Variants in PARD3B observed in about 807,000 individuals in gnomAD.
PARD3B encodes par-3 family cell polarity regulator beta.
PARD3B carries 103 observed loss-of-function variants against 130.2 expected under a neutral mutation model. The ratio of observed to expected loss-of-function variants is 0.79; its 90% CI spans 0.67 to 0.93. The LOEUF is 0.93. PARD3B is among the 40% of genes least tolerant of loss of function. The pLI, the probability that PARD3B is intolerant of heterozygous loss-of-function variation, is 0.00. For missense variants in PARD3B, 1,609 were observed against 1,499.2 expected (o/e 1.07, Z -1.21); for synonymous variants, 583 against 553.2 (o/e 1.05, Z -0.76).
At chr2:205,363,595 A>G (rs1392243127) in intron 18 of PARD3B, among the ~76,000 whole-genome samples, 2 of 152,166 alleles carry the variant, frequency 1.3e-5, no homozygotes, top group Admixed American at 6.5e-5. Context: ...CCCTTGGGAA[A>G]ACACACAGAG....
At chr2:205,037,559 C>G (rs1188289516) in intron 3 of PARD3B, among the ~76,000 whole-genome samples, 6 of 147,022 alleles carry the variant, frequency 4.1e-5, no homozygotes, top group Non-Finnish European at 3.0e-5. Context: ...AAAATATATA[C>G]AGTGGACTAT....
chr2:204,808,532 G>A (rs2042854930), intron 2 of PARD3B, among the ~76,000 whole-genome samples: 1 of 151,934 alleles, frequency 6.6e-6, no homozygotes, highest in Non-Finnish European at 1.5e-5. Context: ...TCCTCTTTGT[G>A]TCCATGTGAG....
rs112714930 is a variant in PARD3B at position 205,206,306 on chromosome 2, A to G, written c.2140+12986A>G. ...ATGTATACATGTGCCCTGCTGGTGC[A>G]CTGCACCCACCAACTCGTCATCTAG... On this transcript the variant is annotated intron_variant, in intron 15 of 22. Transcript: ENST00000406610. Among the ~76,000 whole-genome samples the G allele has an allele frequency of 7.8e-3, 1,162 of 148,084 alleles. 18 individuals are homozygous for G. The highest frequency in any genetic ancestry group is 0.014 in the Middle Eastern group (4 of 290).
intron 15 of PARD3B, among the ~76,000 whole-genome samples, chr2:205,239,284 C>T (rs2039244672): frequency 1.3e-5 from 2 of 151,978 alleles, no homozygotes; most frequent in Non-Finnish European, 2.9e-5. Context: ...TTTGCTCCTC[C>T]CAGATCAATT....
chr2:204,989,011 A>G (rs967449913), intron 3 of PARD3B, among the ~76,000 whole-genome samples: 2 of 152,234 alleles, frequency 1.3e-5, no homozygotes, highest in Non-Finnish European at 2.9e-5. Flanking sequence ...GTAAACCTCC[A>G]GCAGTGCACA....
At chr2:205,039,759 C>T (rs1262393566) in intron 3 of PARD3B, among the ~76,000 whole-genome samples, 1 of 152,126 alleles carries the variant, frequency 6.6e-6, no homozygotes, top group East Asian at 1.9e-4. Context: ...CGTGAGCCAC[C>T]ACACTCAGCC....
At chr2:205,450,719 G>T (rs966323270) in intron 20 of PARD3B, among the ~76,000 whole-genome samples, 1 of 151,712 alleles carries the variant, frequency 6.6e-6, no homozygotes, top group South Asian at 2.1e-4. Context: ...CAGGTGATCC[G>T]CCCGCCTCGG....
At chr2:205,017,074 T>C (rs1476676992) in intron 3 of PARD3B, among the ~76,000 whole-genome samples, 2 of 152,102 alleles carry the variant, frequency 1.3e-5, no homozygotes, top group Non-Finnish European at 2.9e-5. Flanking sequence ...ATGATGCAGA[T>C]AGTCTACTAT....
chr2:205,439,049 A>C (rs2047619361), intron 19 of PARD3B, among the ~76,000 whole-genome samples: 2 of 152,196 alleles, frequency 1.3e-5, no homozygotes, highest in Admixed American at 6.5e-5. Context: ...TTGTTCTGCC[A>C]AAAGAGAAAA....
At chr2:205,462,078 A>G (rs760690297) in intron 20 of PARD3B, among the ~76,000 whole-genome samples, 1 of 152,212 alleles carries the variant, frequency 6.6e-6, no homozygotes, top group Non-Finnish European at 1.5e-5. Flanking sequence ...GAATCACATA[A>G]TGGATCTAGC....
chr2:205,240,240 A>G (rs1457844839), intron 15 of PARD3B, among the ~76,000 whole-genome samples: 1 of 152,206 alleles, frequency 6.6e-6, no homozygotes, highest in Admixed American at 6.5e-5. Context: ...TAATATTGGC[A>G]ACTACATCAA....
chr2:204,577,626 C>T (rs2032333518), intron 1 of PARD3B, among the ~76,000 whole-genome samples: 1 of 152,182 alleles, frequency 6.6e-6, no homozygotes, highest in Admixed American at 6.5e-5. Flanking sequence ...AGCTGGAGTG[C>T]AATGGTGGGA....
intron 15 of PARD3B, among the ~76,000 whole-genome samples, chr2:205,212,758 T>C (rs2037711158): frequency 6.6e-6 from 1 of 152,162 alleles, no homozygotes; most frequent in Admixed American, 6.6e-5. Context: ...AGATAACCTC[T>C]GATGTTACTG....
In PARD3B at chr2:205,473,777, A is replaced by G. The variant is rs944983662; in HGVS notation, c.3045-26119A>G. Reference sequence around the variant, plus strand: ...ATATAACCTTAAATATATATATTTTATATTTTTTTAACTTGCAGTTCAACC... The same window carrying G: ...ATATAACCTTAAATATATATATTTTGTATTTTTTTAACTTGCAGTTCAACC... On this transcript the variant is annotated intron_variant, in intron 20 of 22. Coordinates refer to ENST00000406610, the MANE Select transcript of PARD3B (RefSeq NM_001302769.2). This position sits in a 1 kb window ranked among gnomAD's most constrained non-coding sequence, Gnocchi z 4.9. 6.8e-6 allele frequency among the ~76,000 whole-genome samples: 1 copy of G among 147,320 alleles called. No homozygotes were observed.
chr2:205,448,597 T>C (rs1007883654), intron 20 of PARD3B, among the ~76,000 whole-genome samples: 2 of 152,196 alleles, frequency 1.3e-5, no homozygotes, highest in Non-Finnish European at 2.9e-5. Flanking sequence ...CTCCAATGTA[T>C]TTGTTATTCC....
At chr2:204,777,419 A>T (rs2041665741) in intron 2 of PARD3B, among the ~76,000 whole-genome samples, 1 of 152,234 alleles carries the variant, frequency 6.6e-6, no homozygotes, top group South Asian at 2.1e-4. Context: ...AGGAAACATA[A>T]GGTTTATATG....
chr2:205,391,259 G>A (rs971415725), intron 18 of PARD3B, among the ~76,000 whole-genome samples: 1 of 152,252 alleles, frequency 6.6e-6, no homozygotes, highest in East Asian at 1.9e-4. Context: ...GGGATGTTGT[G>A]GGCGCACAAA....
intron 1 of PARD3B, among the ~76,000 whole-genome samples, chr2:204,574,739 C>T (rs141946447): frequency 1.3e-5 from 2 of 152,302 alleles, no homozygotes; most frequent in African/African-American, 2.4e-5. Flanking sequence ...TGGACACACA[C>T]TAACAATCTA....
chr2:205,492,727 G>A (rs917462794), intron 20 of PARD3B, among the ~76,000 whole-genome samples: 8 of 152,058 alleles, frequency 5.3e-5, no homozygotes, highest in African/African-American at 1.9e-4. Context: ...ACTTTACCTG[G>A]ATATTTACAC....
Sources: allele counts gnomAD v4.1 joint callset (sites outside exome capture counted in the v4.1 genomes callset), GRCh38; gene constraint gnomAD v4.1.1; non-coding constraint Gnocchi (gnomAD v3.1); transcripts MANE v1.5; gene names NCBI Gene and HGNC (gene_info 2026-07-23, HGNC 2026-07-21).